Variants in SHISA9 observed in about 807,000 individuals in gnomAD.
SHISA9 encodes the protein shisa family member 9.
In SHISA9, 13 loss-of-function variants were observed where a neutral mutation model predicts 38.0. The observed-to-expected ratio is 0.34, with a 90% CI of 0.22 to 0.54. SHISA9 has a LOEUF of 0.54. SHISA9 is among the 20% of genes least tolerant of loss of function. The pLI is 0.91. For synonymous variants in SHISA9, 275 were observed against 242.0 expected, an observed-to-expected ratio of 1.14 and a Z score of -1.27; for missense variants, 538 against 575.8, an observed-to-expected ratio of 0.93 and a Z score of 0.67.
At chr16:13,243,188 C>T (rs180908337), downstream of SHISA9, among the ~76,000 whole-genome samples, 1,894 of 151,526 alleles carry the variant, frequency 0.012, 19 homozygotes, top group Non-Finnish European at 0.02. Flanking sequence ...TGCAGTGAGC[C>T]GAGATCGCGC....
At chr16:13,260,007 CTTTT>C in the SHISA9 span, among the ~76,000 whole-genome samples, 12 of 60,446 alleles carry the variant, frequency 2.0e-4, 1 homozygote, top group Admixed American at 2.8e-4. Context: ...TTCTTTCTTT[CTTTT>C]TTTTTTTTTT....
At chr16:13,346,285 G>T in the SHISA9 span, among the ~76,000 whole-genome samples, 10 of 152,254 alleles carry the variant, frequency 6.6e-5, no homozygotes, top group East Asian at 5.8e-4. Context: ...TACTGCAAAA[G>T]CTTAAATCGG....
chr16:12,918,677 G>A (rs2071289547), intron 2 of SHISA9, among the ~76,000 whole-genome samples: 2 of 152,178 alleles, frequency 1.3e-5, no homozygotes, highest in African/African-American at 2.4e-5. Context: ...CTATATTTGT[G>A]CCTAAGTAAT....
chr16:13,499,326 A>G, the SHISA9 span, among the ~76,000 whole-genome samples: 1 of 152,252 alleles, frequency 6.6e-6, no homozygotes, highest in East Asian at 1.9e-4. Flanking sequence ...GGATTAAATC[A>G]ACATTATCTT....
chr16:12,911,441 G>A, intron 1 of SHISA9: 1 of 923,146 alleles, frequency 1.1e-6, no homozygotes, highest in Non-Finnish European at 1.3e-6. Context: ...ATAAGCATAT[G>A]CATGAACCCA....
rs188549052 is a variant in SHISA9 at position 13,145,618 on chromosome 16, C to G, written c.692-57776C>G. On this transcript the variant is annotated intron_variant, in intron 2 of 4. Coordinates refer to ENST00000558583, the MANE Select transcript of SHISA9 (RefSeq NM_001145204.3). ...CTAGATTACTTAGCTTGCTTACCTACAAAAGGGAATAATCGTGATTTTTGT... is the reference window on the plus strand; with the variant it reads ...CTAGATTACTTAGCTTGCTTACCTAGAAAAGGGAATAATCGTGATTTTTGT... 7.2e-3 allele frequency among the ~76,000 whole-genome samples: 1,094 copies of G among 152,262 alleles called. 11 individuals are homozygous for G. The highest frequency in any genetic ancestry group is 0.025 in the African/African-American group (1,019 of 41,548).
the SHISA9 span, among the ~76,000 whole-genome samples, chr16:13,301,374 G>C: frequency 6.6e-6 from 1 of 152,176 alleles, no homozygotes; most frequent in East Asian, 1.9e-4. Context: ...AATGAGGCAC[G>C]AGATTCTGCA....
chr16:13,544,506 G>T, the SHISA9 span, among the ~76,000 whole-genome samples: 2 of 148,944 alleles, frequency 1.3e-5, no homozygotes, highest in Admixed American at 1.4e-4. Flanking sequence ...TTTTCAGGGA[G>T]ATTGCACAGC....
the SHISA9 span, among the ~76,000 whole-genome samples, chr16:13,519,341 C>T: frequency 1.3e-5 from 2 of 152,084 alleles, no homozygotes; most frequent in Non-Finnish European, 2.9e-5. Flanking sequence ...ATGGGTAATT[C>T]CACCATGAAC....
At chr16:13,376,728 C>G in the SHISA9 span, among the ~76,000 whole-genome samples, 1 of 152,100 alleles carries the variant, frequency 6.6e-6, no homozygotes, top group African/African-American at 2.4e-5. Flanking sequence ...GGGTCTCACT[C>G]CATTGCCCAG....
intron 2 of SHISA9, among the ~76,000 whole-genome samples, chr16:13,002,934 G>T (rs545616141): frequency 6.6e-6 from 1 of 152,264 alleles, no homozygotes; most frequent in Admixed American, 6.5e-5. Context: ...TGCAGACATA[G>T]AATTAATGCA....
chr16:13,540,691 C>T, the SHISA9 span, among the ~76,000 whole-genome samples: 132 of 152,134 alleles, frequency 8.7e-4, no homozygotes, highest in Admixed American at 2.4e-3. Flanking sequence ...TAAGACATTC[C>T]TCATCCTTAA....
chr16:12,993,656 C>A (rs2072418910), intron 2 of SHISA9, among the ~76,000 whole-genome samples: 1 of 152,128 alleles, frequency 6.6e-6, no homozygotes, highest in Admixed American at 6.6e-5. Flanking sequence ...GGAGTTTACC[C>A]TGTAGCAGGA....
intron 2 of SHISA9, among the ~76,000 whole-genome samples, chr16:13,094,036 C>T (rs2073801663): frequency 6.6e-6 from 1 of 152,142 alleles, no homozygotes; most frequent in East Asian, 1.9e-4. Flanking sequence ...CACAGGTCTC[C>T]TATACCAAGG....
chr16:13,546,800 T>C, the SHISA9 span, among the ~76,000 whole-genome samples: 3 of 152,208 alleles, frequency 2.0e-5, no homozygotes, highest in Admixed American at 6.5e-5. Context: ...AATAGAAGAT[T>C]TGAGTAGTTG....
At chr16:13,319,342 C>T in the SHISA9 span, among the ~76,000 whole-genome samples, 2 of 152,142 alleles carry the variant, frequency 1.3e-5, no homozygotes, top group African/African-American at 2.4e-5. Context: ...TGATCTCAAC[C>T]GCTTGGCGAG....
At chr16:13,101,459 A>G (rs1008149790) in intron 2 of SHISA9, among the ~76,000 whole-genome samples, 1 of 152,264 alleles carries the variant, frequency 6.6e-6, no homozygotes, top group African/African-American at 2.4e-5. Context: ...AAACAAACAT[A>G]CATATGAAAA....
chr16:13,473,349 C>CTTTTTTTTTTTTTTTT, the SHISA9 span, among the ~76,000 whole-genome samples: 5 of 73,898 alleles, frequency 6.8e-5, no homozygotes, highest in African/African-American at 1.0e-4. Flanking sequence ...TTCTTTCTTT[C>CTTTTTTTTTTTTTTTT]TTTTTTTTTT....
chr16:13,282,659 C>G, the SHISA9 span, among the ~76,000 whole-genome samples: 1 of 152,068 alleles, frequency 6.6e-6, no homozygotes, highest in Non-Finnish European at 1.5e-5. Context: ...CCCACAGGAT[C>G]CTAGGACTCT....
Sources: gnomAD v4.1 joint callset for allele counts (sites outside exome capture counted in the v4.1 genomes callset) on GRCh38, gnomAD v4.1.1 for gene constraint, MANE v1.5 for transcripts, NCBI Gene and HGNC (gene_info 2026-07-23, HGNC 2026-07-21) for gene names.